Variants in RERE observed in about 807,000 individuals in gnomAD.
The protein encoded by RERE is arginine-glutamic acid dipeptide repeats, also known as arginine-glutamic acid dipeptide repeats protein.
A neutral mutation model predicts 146.1 loss-of-function variants in RERE; 40 were observed. The ratio of observed to expected loss-of-function variants is 0.27; its 90% CI spans 0.21 to 0.36. The LOEUF (loss-of-function observed/expected upper bound fraction) is 0.36. RERE is among the 10% of genes least tolerant of loss of function. The pLI is 1.00. For synonymous variants in RERE, 1,003 were observed against 866.0 expected (o/e 1.16, Z -2.78); for missense variants, 1,933 against 2,138.7 (o/e 0.90, Z 1.90).
At chr1:8,653,521 C>T (rs1647743853) in intron 2 of RERE, among the ~76,000 whole-genome samples, 1 of 151,990 alleles carries the variant, frequency 6.6e-6, no homozygotes, top group Non-Finnish European at 1.5e-5. Context: ...CGGTGAAACC[C>T]CGTCTCTACT....
At chr1:8,534,940 A>C in intron 7 of RERE, among the ~76,000 whole-genome samples, 1 of 152,152 alleles carries the variant, frequency 6.6e-6, no homozygotes, top group East Asian at 1.9e-4. Flanking sequence ...AAACACCATA[A>C]ATGCAAACTG....
At chr1:8,425,892 C>T (rs908509117) in intron 11 of RERE, 5 of 152,100 alleles carry the variant, frequency 3.3e-5, no homozygotes, top group African/African-American at 9.7e-5. Context: ...TATATTAATT[C>T]GAAATCTTTA....
At chr1:8,600,996 C>T (rs531736129) in intron 4 of RERE, among the ~76,000 whole-genome samples, 6 of 144,920 alleles carry the variant, frequency 4.1e-5, no homozygotes, top group African/African-American at 1.3e-4. Context: ...CCTTGTGATC[C>T]GCCTGCCTCG....
At chr1:8,482,009 T>C (rs1348862515) in intron 10 of RERE, among the ~76,000 whole-genome samples, 1 of 152,110 alleles carries the variant, frequency 6.6e-6, no homozygotes, top group Non-Finnish European at 1.5e-5. Context: ...AATAAAATGG[T>C]AATATATAAA....
At chr1:8,389,585 C>T (rs903823210) in intron 12 of RERE, among the ~76,000 whole-genome samples, 3 of 152,114 alleles carry the variant, frequency 2.0e-5, no homozygotes, top group African/African-American at 4.8e-5. Flanking sequence ...ACCCCCCTAC[C>T]GCCACACATG....
At chr1:8,537,998 A>G (rs1236777113) in intron 7 of RERE, among the ~76,000 whole-genome samples, 1 of 152,226 alleles carries the variant, frequency 6.6e-6, no homozygotes, top group African/African-American at 2.4e-5. Context: ...ACGTATAACT[A>G]CTTTTGGAAA....
At chr1:8,509,811 A>G (rs551730627) in intron 7 of RERE, among the ~76,000 whole-genome samples, 5 of 152,292 alleles carry the variant, frequency 3.3e-5, no homozygotes, top group Admixed American at 6.5e-5. Context: ...GGCAACAAAC[A>G]AAACAGTGTC....
At chr1:8,653,694 C>CAAAA (rs775354970) in intron 2 of RERE, among the ~76,000 whole-genome samples, 6 of 45,890 alleles carry the variant, frequency 1.3e-4, no homozygotes, top group East Asian at 7.0e-4. Context: ...GACTCCACCT[C>CAAAA]AAAAAAAAAA....
chr1:8,761,176 G>C (rs963346480), intron 1 of RERE, among the ~76,000 whole-genome samples: 5 of 152,156 alleles, frequency 3.3e-5, no homozygotes, highest in African/African-American at 9.7e-5. Flanking sequence ...GGAAGAATCT[G>C]AGTTCTTTAA....
intron 1 of RERE, among the ~76,000 whole-genome samples, chr1:8,764,431 A>T (rs945944613): frequency 2.0e-5 from 3 of 152,108 alleles, no homozygotes; most frequent in Non-Finnish European, 2.9e-5. Flanking sequence ...TTTAAAAACA[A>T]AAAAAAGCTA....
rs114422808 is a variant in RERE, at chr1:8,446,362, T to C, written c.1203+19563A>G. Among the ~76,000 whole-genome samples, 14 of 152,312 alleles carry C rather than the reference T, an allele frequency of 9.2e-5. No homozygotes were observed. In the South Asian group the frequency reaches 1.4e-3, roughly 16 times the overall value. ...TCTTGGGGTTACTCTTCTCATCTGA[T>C]ATGGGCTTCCCTTTGTGGGTAACCT... is the stretch of plus-strand genomic sequence containing the variant. On this transcript the variant is annotated intron_variant, in intron 11 of 22. Transcript: ENST00000400908.
At chr1:8,373,918 C>T (rs905749565) in intron 12 of RERE, among the ~76,000 whole-genome samples, 9 of 152,204 alleles carry the variant, frequency 5.9e-5, no homozygotes, top group African/African-American at 2.2e-4. Context: ...AATTAAAGCA[C>T]TGTTCTCCTG....
chr1:8,590,553 G>T (rs1646480118), intron 4 of RERE, among the ~76,000 whole-genome samples: 1 of 152,148 alleles, frequency 6.6e-6, no homozygotes, highest in Non-Finnish European at 1.5e-5. Flanking sequence ...ATGCAGTGCG[G>T]CCCACCGGTC....
Position 8,726,826 on chromosome 1 carries a change from GA to G in RERE, c.-144-70386del, listed in dbSNP as rs1208593324. 3.3e-4 allele frequency among the ~76,000 whole-genome samples: 48 copies of G among 143,506 alleles called. No homozygotes were observed. The South Asian group carries it at 3.9e-3, about 12-fold the overall frequency. The allele number at this position is 143,506 out of a possible 152,430, so 94.1% of individuals were successfully genotyped here. ...TGACGTTTATTTATTTATTTATTGA[GA>G]AGAAGTCTCCCTCTATTGCCTAGGC... On this transcript the variant is annotated intron_variant, in intron 1 of 22. Transcript: ENST00000400908.
chr1:8,749,923 G>A (rs892263497), intron 1 of RERE, among the ~76,000 whole-genome samples: 5 of 152,266 alleles, frequency 3.3e-5, no homozygotes, highest in East Asian at 3.9e-4. Flanking sequence ...AGGCCAAGGC[G>A]AGTGGGTAAC....
intron 6 of RERE, among the ~76,000 whole-genome samples, chr1:8,542,176 G>A (rs1316172988): frequency 6.6e-6 from 1 of 152,016 alleles, no homozygotes; most frequent in Non-Finnish European, 1.5e-5. Flanking sequence ...GATTCCCAAA[G>A]AGGCAGGGGA....
intron 4 of RERE, among the ~76,000 whole-genome samples, chr1:8,597,282 T>C (rs1422275871): frequency 6.6e-6 from 1 of 151,752 alleles, no homozygotes. Context: ...AGTGACGGGG[T>C]TTTGCCATGT....
intron 12 of RERE, among the ~76,000 whole-genome samples, chr1:8,383,870 A>G (rs201363922): frequency 1.1e-5 from 1 of 92,596 alleles, no homozygotes; most frequent in Admixed American, 9.9e-5. Context: ...AAAAATAAAT[A>G]AAATAAAATA....
chr1:8,592,508 G>C (rs1646507705), intron 4 of RERE, among the ~76,000 whole-genome samples: 1 of 152,048 alleles, frequency 6.6e-6, no homozygotes, highest in African/African-American at 2.4e-5. Flanking sequence ...CTGGGCTCTA[G>C]TGATCCACCC....
Sources: allele counts gnomAD v4.1 joint callset (sites outside exome capture counted in the v4.1 genomes callset), GRCh38; gene constraint gnomAD v4.1.1; transcripts MANE v1.5; gene names NCBI Gene and HGNC (gene_info 2026-07-23, HGNC 2026-07-21).